SORD: variants seen among roughly 807,000 people sequenced by gnomAD.
The protein encoded by SORD is sorbitol dehydrogenase, also known as (R,R)-butanediol dehydrogenase.
SORD carries 18 observed loss-of-function variants against 35.6 expected under a neutral mutation model. The observed-to-expected ratio is 0.51, with a 90% CI of 0.35 to 0.75. The LOEUF is 0.75. SORD is among the 30% of genes least tolerant of loss of function. The pLI is 0.01. For missense variants in SORD, 250 were observed against 390.2 expected (o/e 0.64, Z 3.03); for synonymous variants, 106 against 152.9 (o/e 0.69, Z 2.26).
chr15:45,029,229 A>G (rs1205406571), intron 1 of SORD, among the ~76,000 whole-genome samples: 7 of 152,298 alleles, frequency 4.6e-5, no homozygotes, highest in Admixed American at 4.6e-4. Context: ...AATTCAAAAC[A>G]GGAAATTAAA....
At position 45,074,116 on chromosome 15, in the gene SORD, A is replaced by AAAAC. The variant is rs1174786725; in HGVS notation, c.*598_*601dup. The AAAAC allele has an allele frequency of 7.5e-6, 1 of 134,122 alleles. No homozygotes were observed. The highest frequency in any genetic ancestry group is 1.6e-5 in the Non-Finnish European group (1 of 64,220). The allele number at this position is 134,122 out of a possible 1,614,324, so 8.3% of individuals were successfully genotyped here. ...TAATTTTTAAACCAATCAAATGAAA[A>AAAAC]AAACAAACAAACAAAAAAGGAAATG... On this transcript the variant is annotated 3_prime_UTR_variant, in exon 9 of 9. Coordinates refer to ENST00000267814, the MANE Select transcript of SORD (RefSeq NM_003104.6).
chr15:45,056,834 T>C (rs1893225386), intron 3 of SORD, among the ~76,000 whole-genome samples: 1 of 152,236 alleles, frequency 6.6e-6, no homozygotes, highest in Non-Finnish European at 1.5e-5. Flanking sequence ...TTTGTCCTGC[T>C]GGGGAGTAAA....
At chr15:45,024,196 G>A (rs1300728551) in intron 1 of SORD, among the ~76,000 whole-genome samples, 1 of 152,188 alleles carries the variant, frequency 6.6e-6, no homozygotes, top group Non-Finnish European at 1.5e-5. Flanking sequence ...ATGGGCCTGG[G>A]ATGGCAGTGG....
intron 1 of SORD, among the ~76,000 whole-genome samples, chr15:45,023,586 C>CCA (rs1210014256): frequency 6.6e-6 from 1 of 152,230 alleles, no homozygotes; most frequent in Admixed American, 6.5e-5. Context: ...TGGCACGTGG[C>CCA]CGGTGCCCAG....
intron 1 of SORD, among the ~76,000 whole-genome samples, chr15:45,030,819 G>A (rs1394384141): frequency 1.1e-5 from 1 of 88,406 alleles, no homozygotes; most frequent in Non-Finnish European, 1.8e-5. Flanking sequence ...CCAGCCTGGT[G>A]AGGACAGGGG....
chr15:45,039,715 G>A (rs1234542545), intron 1 of SORD, among the ~76,000 whole-genome samples: 1 of 152,172 alleles, frequency 6.6e-6, no homozygotes, highest in East Asian at 1.9e-4. Flanking sequence ...AAGAGGACCA[G>A]GTATCAGTCT....
chr15:45,062,082 A>G (rs1368507020), intron 4 of SORD, among the ~76,000 whole-genome samples: 1 of 152,136 alleles, frequency 6.6e-6, no homozygotes, highest in Non-Finnish European at 1.5e-5. Flanking sequence ...TGATGCATGG[A>G]GAGTCATAAT....
chr15:45,036,367 C>T (rs1892865696), intron 1 of SORD: 1 of 455,788 alleles, frequency 2.2e-6, no homozygotes, highest in African/African-American at 2.0e-5. Flanking sequence ...TACTCAATTC[C>T]TTTTAGTCCT....
chr15:45,036,321 T>C, intron 1 of SORD: 1 of 456,030 alleles, frequency 2.2e-6, no homozygotes. Context: ...AAGTGAAATA[T>C]TCTGGAAAAC....
At chr15:45,028,598 G>A (rs72722063) in intron 1 of SORD, among the ~76,000 whole-genome samples, 30,392 of 148,490 alleles carry the variant, frequency 0.2, 210 homozygotes, top group African/African-American at 0.45. Context: ...AAATTAAAGG[G>A]AAAAATAATA....
intron 1 of SORD, among the ~76,000 whole-genome samples, chr15:45,030,353 TAAG>T (rs1298264371): frequency 6.6e-6 from 1 of 152,188 alleles, no homozygotes; most frequent in Non-Finnish European, 1.5e-5. Flanking sequence ...CAACAGAAAT[TAAG>T]AAGGAGGAGA....
chr15:45,046,238 A>G (rs570791253), intron 3 of SORD, among the ~76,000 whole-genome samples: 96 of 152,082 alleles, frequency 6.3e-4, no homozygotes, highest in African/African-American at 2.3e-3. Flanking sequence ...AGGAAGAGAC[A>G]AATATAGACA....
At chr15:45,039,414 C>T (rs1385825382) in intron 1 of SORD, among the ~76,000 whole-genome samples, 13 of 152,244 alleles carry the variant, frequency 8.5e-5, no homozygotes, top group Admixed American at 2.6e-4. Context: ...AGGCATGAGA[C>T]ACTGTGCCCG....
At chr15:45,052,188 T>G (rs1410517675) in intron 3 of SORD, among the ~76,000 whole-genome samples, 3 of 152,238 alleles carry the variant, frequency 2.0e-5, no homozygotes, top group Admixed American at 2.0e-4. Flanking sequence ...GGACTGTAGA[T>G]CCTTCCAGCA....
intron 1 of SORD, among the ~76,000 whole-genome samples, chr15:45,029,418 C>T (rs989528282): frequency 6.6e-6 from 1 of 151,662 alleles, no homozygotes; most frequent in African/African-American, 2.4e-5. Context: ...TGGGAGGGAG[C>T]ACATGAATGA....
At chr15:45,026,040 A>G (rs1440899030) in intron 1 of SORD, among the ~76,000 whole-genome samples, 3 of 152,158 alleles carry the variant, frequency 2.0e-5, no homozygotes, top group Non-Finnish European at 4.4e-5. Context: ...AAGGGCAGAA[A>G]GAGTTGTCAG....
At chr15:45,041,376 C>G (rs986087115) in intron 2 of SORD, among the ~76,000 whole-genome samples, 1 of 152,042 alleles carries the variant, frequency 6.6e-6, no homozygotes, top group Non-Finnish European at 1.5e-5. Context: ...CACCCTCCCC[C>G]TCTCACACCT....
chr15:45,032,754 G>C (rs1892806333), intron 1 of SORD, among the ~76,000 whole-genome samples: 1 of 152,142 alleles, frequency 6.6e-6, no homozygotes, highest in Non-Finnish European at 1.5e-5. Flanking sequence ...CTCCTACTTT[G>C]ACCTCAAGTT....
intron 1 of SORD, among the ~76,000 whole-genome samples, chr15:45,025,642 AAAG>A (rs1398065441): frequency 2.6e-5 from 4 of 151,860 alleles, no homozygotes; most frequent in African/African-American, 4.8e-5. Context: ...AAAAAAAAAA[AAAG>A]ATGTCTCTGG....
Sources: allele counts gnomAD v4.1 joint callset (sites outside exome capture counted in the v4.1 genomes callset), GRCh38; gene constraint gnomAD v4.1.1; transcripts MANE v1.5; gene names NCBI Gene and HGNC (gene_info 2026-07-23, HGNC 2026-07-21).